USP24: variants seen among roughly 807,000 people sequenced by gnomAD.
USP24 encodes the protein ubiquitin specific peptidase 24, also known as ubiquitin carboxyl-terminal hydrolase 24.
In USP24, 97 loss-of-function variants were observed where a neutral mutation model predicts 361.6. The ratio of observed to expected loss-of-function variants is 0.27; its 90% CI spans 0.23 to 0.32. USP24 has a LOEUF of 0.32. Among genes scored for constraint, USP24 ranks in the 10% least tolerant of loss-of-function variants. The pLI is 1.00. For synonymous variants in USP24, 1,098 were observed against 1,124.6 expected (o/e 0.98, Z 0.47); for missense variants, 2,353 against 3,165.6 (o/e 0.74, Z 6.16).
intron 1 of USP24, among the ~76,000 whole-genome samples, chr1:55,186,159 T>C (rs992163444): frequency 6.6e-6 from 1 of 152,050 alleles, no homozygotes; most frequent in Non-Finnish European, 1.5e-5. Flanking sequence ...TTCCAAAAAA[T>C]AGAAAAGCAA....
chr1:55,097,794 C>CA, intron 47 of USP24, 77 bp from the exon 48 acceptor site: 1 of 1,503,514 alleles, frequency 6.7e-7, no homozygotes, highest in Non-Finnish European at 8.9e-7. Flanking sequence ...GTAATTAATG[C>CA]AAAGGCCTTT....
At chr1:55,140,154 AT>A (rs1210004083) in intron 24 of USP24, among the ~76,000 whole-genome samples, 1 of 152,134 alleles carries the variant, frequency 6.6e-6, no homozygotes, top group African/African-American at 2.4e-5. Flanking sequence ...TTTTAAAATT[AT>A]TATGTGGTTT....
At chr1:55,135,457 C>A (rs1218118846) in intron 28 of USP24, among the ~76,000 whole-genome samples, 3 of 152,188 alleles carry the variant, frequency 2.0e-5, no homozygotes, top group Non-Finnish European at 4.4e-5. Flanking sequence ...CAGTCAAAAT[C>A]TTGTTTCATG....
intron 66 of USP24, 125 bp downstream of exon 66, chr1:55,072,192 G>A: frequency 1.3e-6 from 1 of 771,246 alleles, no homozygotes; most frequent in Non-Finnish European, 2.1e-6. Flanking sequence ...AAATCCAATT[G>A]TTTCTTCTGC....
At chr1:55,206,991 A>C (rs1207240957) in intron 1 of USP24, among the ~76,000 whole-genome samples, 3 of 152,016 alleles carry the variant, frequency 2.0e-5, no homozygotes, top group Non-Finnish European at 4.4e-5. Context: ...ACATGGCGAA[A>C]CCCTATATCT....
At chr1:55,147,197 T>C (rs937888087) in intron 18 of USP24, 137 bp from the exon 19 acceptor site, 1 of 870,354 alleles carries the variant, frequency 1.1e-6, no homozygotes, top group Non-Finnish European at 1.6e-6. Flanking sequence ...AAAGTAAATA[T>C]TAGAATTCTG....
At chr1:55,113,387 T>C (rs758387974) in intron 38 of USP24, among the ~76,000 whole-genome samples, 2 of 152,126 alleles carry the variant, frequency 1.3e-5, no homozygotes, top group Non-Finnish European at 2.9e-5. Context: ...GAGGCAGTAA[T>C]TAATAGCCTA....
chr1:55,086,085 C>T (rs764283993), intron 55 of USP24, 47 bp from the exon 56 acceptor site: 9 of 1,553,982 alleles, frequency 5.8e-6, no homozygotes, highest in Non-Finnish European at 6.2e-6. Context: ...TACATTTCCA[C>T]AACCTCAACC....
At chr1:55,079,180 G>A (rs553623361) in intron 60 of USP24, among the ~76,000 whole-genome samples, 4 of 152,214 alleles carry the variant, frequency 2.6e-5, no homozygotes, top group Admixed American at 2.6e-4. Context: ...CACTCCTGAG[G>A]TTTAACAACA....
At chr1:55,082,087 A>G (rs966856071) in intron 58 of USP24, among the ~76,000 whole-genome samples, 8 of 152,198 alleles carry the variant, frequency 5.3e-5, no homozygotes, top group Non-Finnish European at 1.0e-4. Context: ...CACTAAAGAG[A>G]AAGCTGAGAG....
At chr1:55,113,850 C>T (rs934630303) in intron 38 of USP24, among the ~76,000 whole-genome samples, 5 of 152,140 alleles carry the variant, frequency 3.3e-5, no homozygotes, top group African/African-American at 1.2e-4. Flanking sequence ...AAAATTGGCA[C>T]AAGACAAGGA....
At chr1:55,175,242 T>C (rs954025247) in intron 3 of USP24, among the ~76,000 whole-genome samples, 3 of 141,798 alleles carry the variant, frequency 2.1e-5, no homozygotes, top group Non-Finnish European at 4.5e-5. Context: ...TTTTTTTTTT[T>C]TTGAGACGGA....
At chr1:55,070,033 T>G (rs1287691268) in intron 67 of USP24, among the ~76,000 whole-genome samples, 4 of 150,560 alleles carry the variant, frequency 2.7e-5, no homozygotes, top group African/African-American at 4.9e-5. Flanking sequence ...GGGGTGGAGG[T>G]GAGGGGATCC....
chr1:55,125,373 T>C lies in USP24; in HGVS notation c.3907A>G (p.Arg1303Gly). ...ATTTCCTCAACCCTAATAGAAGACC[T>C]ATCAGACACGGACAACTGTCGGTAG... ...SSYRQLSVSD[R>G]SSIRVEEIIP... The change falls in exon 34 of 68, where the codon AGG becomes GGG. Residue 1303 changes from arginine (R) to glycine (G), a missense_variant. Around this residue, in one of 8 missense-constraint regions of USP24, gnomAD observed 949 missense variants for 1,280.5 expected, o/e 0.74. Transcript: ENST00000294383. 1 of 1,614,000 alleles carries C rather than the reference T, an allele frequency of 6.2e-7. No individual in the cohort carries two copies.
At chr1:55,083,441 A>G in intron 57 of USP24, 77 bp from the exon 58 acceptor site, 3 of 1,399,056 alleles carry the variant, frequency 2.1e-6, no homozygotes, top group South Asian at 1.2e-5. Flanking sequence ...AGCTAAATGG[A>G]AAGTTTTAAG....
intron 38 of USP24, among the ~76,000 whole-genome samples, chr1:55,113,451 G>A (rs1646013659): frequency 6.6e-6 from 1 of 152,142 alleles, no homozygotes; most frequent in Admixed American, 6.5e-5. Context: ...TCTACCAGAG[G>A]TACAAAGAGG....
chr1:55,117,155 TAAC>T (rs1646138468), intron 38 of USP24, among the ~76,000 whole-genome samples: 1 of 152,096 alleles, frequency 6.6e-6, no homozygotes. Context: ...TAAAAACACT[TAAC>T]AAACTACAAA....
intron 24 of USP24, among the ~76,000 whole-genome samples, chr1:55,140,009 C>T (rs1044093894): frequency 2.1e-4 from 32 of 151,992 alleles, no homozygotes; most frequent in Non-Finnish European, 4.6e-4. Flanking sequence ...AAACCCCCCC[C>T]ACCCCAAGTT....
chr1:55,101,210 C>G (rs886541017), intron 43 of USP24, among the ~76,000 whole-genome samples: 1 of 152,144 alleles, frequency 6.6e-6, no homozygotes, highest in African/African-American at 2.4e-5. Flanking sequence ...AGGAAATAAG[C>G]GTAGCCCAGT....
Sources: gnomAD v4.1 joint callset for allele counts (sites outside exome capture counted in the v4.1 genomes callset) on GRCh38, gnomAD v4.1.1 for gene constraint, gnomAD v4.1.1 regional missense constraint, MANE v1.5 for transcripts, NCBI Gene and HGNC (gene_info 2026-07-23, HGNC 2026-07-21) for gene names.